Variants in UPF1 observed in about 807,000 individuals in gnomAD.
The protein encoded by UPF1 is UPF1 RNA helicase and ATPase, also known as regulator of nonsense transcripts 1.
UPF1 carries 9 observed loss-of-function variants against 129.2 expected under a neutral mutation model. The ratio of observed to expected loss-of-function variants is 0.07; its 90% CI spans 0.04 to 0.12. UPF1 has a LOEUF of 0.12. UPF1 is among the 10% of genes least tolerant of loss of function. UPF1 has a pLI of 1.00. For synonymous variants in UPF1, 649 were observed against 644.9 expected (o/e 1.01, Z -0.10); for missense variants, 788 against 1,525.3 (o/e 0.52, Z 8.05).
chr19:18,857,136 G>A, intron 14 of UPF1, 116 bp downstream of exon 14: 1 of 1,523,490 alleles, frequency 6.6e-7, no homozygotes, highest in East Asian at 2.3e-5. Flanking sequence ...CGCACACTGG[G>A]GGCTCCCTGA....
chr19:18,837,098 T>G (rs1389326299), intron 1 of UPF1, among the ~76,000 whole-genome samples: 1 of 151,886 alleles, frequency 6.6e-6, no homozygotes. Flanking sequence ...GGGTTTTTTG[T>G]TTTTGTTTTA....
intron 13 of UPF1, among the ~76,000 whole-genome samples, chr19:18,856,531 A>T (rs2055720091): frequency 6.6e-6 from 1 of 152,174 alleles, no homozygotes; most frequent in South Asian, 2.1e-4. Context: ...GGGATCCGGC[A>T]GTGGATCTAG....
chr19:18,853,514 G>A lies in UPF1; in HGVS notation c.1156+164G>A, dbSNP rs950799354. Among the ~76,000 whole-genome samples the A allele has an allele frequency of 3.9e-5, 6 of 152,324 alleles. No homozygotes were observed. The East Asian group carries it at 9.6e-4, about 24-fold the overall frequency. Reference sequence around the variant, plus strand: ...TCCACTGCTCTTAGGAGAATCACAGGGCCTTCACCTTCAGGGGACAGCTGG... The same window carrying A: ...TCCACTGCTCTTAGGAGAATCACAGAGCCTTCACCTTCAGGGGACAGCTGG... On this transcript the variant is annotated intron_variant, in intron 8 of 23. Transcript: ENST00000262803. This position sits in a 1 kb window ranked among gnomAD's most constrained non-coding sequence, Gnocchi z 4.4.
Position 18,854,976 on chromosome 19 carries a change from A to T in UPF1, c.1363A>T (p.Ile455Phe). ...LLGHEVEDVI[I>F]KCQLPKRFTA... Reference sequence around the variant, plus strand: ...GGGCCACGAGGTGGAGGACGTAATCATCAAGTGCCAGCTGCCCAAGCGCTT... The same window carrying T: ...GGGCCACGAGGTGGAGGACGTAATCTTCAAGTGCCAGCTGCCCAAGCGCTT... The change falls in exon 10 of 24, where the codon ATC (isoleucine) becomes TTC (phenylalanine). Residue 455 changes from isoleucine (I) to phenylalanine (F), a missense_variant. This residue lies in a region of UPF1 where 227 missense variants were observed against 517.9 expected (regional missense o/e 0.44). Coordinates refer to ENST00000262803, the MANE Select transcript of UPF1 (RefSeq NM_002911.4). 6.2e-7 allele frequency: 1 copy of T among 1,614,202 alleles called. No individual in the cohort carries two copies. The highest frequency in any genetic ancestry group is 1.1e-5 in the South Asian group (1 of 91,090).
chr19:18,841,441 A>G (rs1019421565), intron 1 of UPF1, among the ~76,000 whole-genome samples: 13 of 152,170 alleles, frequency 8.5e-5, no homozygotes, highest in African/African-American at 2.4e-4. Flanking sequence ...AGCGTCAACA[A>G]TGGCTTTTCA....
chr19:18,861,877 G>C, intron 17 of UPF1, 133 bp from the exon 18 acceptor site: 2 of 1,191,854 alleles, frequency 1.7e-6, no homozygotes, highest in Non-Finnish European at 2.3e-6. Flanking sequence ...ACAGCCCCTA[G>C]GTGCGGTGAG....
intron 2 of UPF1, among the ~76,000 whole-genome samples, chr19:18,846,882 T>C (rs1046637706): frequency 6.6e-6 from 1 of 152,156 alleles, no homozygotes; most frequent in Non-Finnish European, 1.5e-5. Flanking sequence ...CCCAGCTAGC[T>C]ACTTGGGAGG....
chr19:18,839,854 G>C (rs1488240523), intron 1 of UPF1, among the ~76,000 whole-genome samples: 1 of 152,210 alleles, frequency 6.6e-6, no homozygotes, highest in Non-Finnish European at 1.5e-5. Context: ...TGGCCAGGGT[G>C]CTGTGAGGGC....
At position 18,860,957 on chromosome 19, in the gene UPF1, G is replaced by A; in HGVS notation, c.2432G>A (p.Gly811Asp). The change falls in exon 17 of 24, where the codon GGC becomes GAC. Residue 811 changes from glycine (G) to aspartate (D), a missense_variant. Gly to Asp is a moderately conservative substitution (Grantham distance 94). This residue lies in a region of UPF1 where 140 missense variants were observed against 385.9 expected (regional missense o/e 0.36). Transcript: ENST00000262803. Reference sequence around the variant, plus strand: ...CTGGTGCAGTACATGCAGTTCAGCGGCTCCCTGCACACCAAGCTCTACCAG... The same window carrying A: ...CTGGTGCAGTACATGCAGTTCAGCGACTCCCTGCACACCAAGCTCTACCAG... ...SYLVQYMQFS[G>D]SLHTKLYQEV... 1 of 1,585,710 alleles carries A rather than the reference G, an allele frequency of 6.3e-7. No homozygotes were observed. Among genetic ancestry groups the A allele is most frequent in the Non-Finnish European group, 8.6e-7 (1 of 1,166,902 alleles).
intron 1 of UPF1, among the ~76,000 whole-genome samples, chr19:18,842,699 TA>T (rs200842425): frequency 1.3e-5 from 2 of 151,564 alleles, no homozygotes; most frequent in African/African-American, 2.4e-5. Flanking sequence ...TTTTTTTAAT[TA>T]AAAAAAATTT....
In UPF1 at chr19:18,832,315, A is replaced by G. The variant is rs374572356; in HGVS notation, c.106A>G (p.Thr36Ala). 6.6e-7 allele frequency: 1 copy of G among 1,524,114 alleles called. No individual in the cohort carries two copies. Among genetic ancestry groups the G allele is most frequent in the Non-Finnish European group, 8.8e-7 (1 of 1,131,558 alleles). The allele number at this position is 1,524,114 out of a possible 1,614,324, so 94.4% of individuals were successfully genotyped here. Residue 36 changes from threonine to alanine, a missense_variant, in exon 1 of 24, where the codon ACC becomes GCC. Physicochemically the swap from Thr to Ala is moderately conservative, Grantham distance 58 (BLOSUM62 0). Around this residue, in one of 6 missense-constraint regions of UPF1, gnomAD observed 112 missense variants for 128.2 expected, o/e 0.87. Coordinates refer to ENST00000262803, the MANE Select transcript of UPF1 (RefSeq NM_002911.4). This position sits in a 1 kb window ranked among gnomAD's most constrained non-coding sequence, Gnocchi z 5.6. ...ADTQGSEFEF[T>A]DFTLPSQTQT... is the part of the protein sequence containing the mutation. Reference sequence around the variant, plus strand: ...CACACAGGGCTCCGAGTTCGAGTTCACCGACTTTACTCTTCCTAGCCAGAC... The same window carrying G: ...CACACAGGGCTCCGAGTTCGAGTTCGCCGACTTTACTCTTCCTAGCCAGAC...
At position 18,865,806 on chromosome 19, in the gene UPF1, C is replaced by T; in HGVS notation, c.3237+28C>T. 6.2e-7 allele frequency: 1 copy of T among 1,610,986 alleles called. No homozygotes were observed. The highest frequency in any genetic ancestry group is 8.5e-7 in the Non-Finnish European group (1 of 1,179,722). ...GAGCCCGCCCCTGGGACGGGACTTACCTGAGTGAGGGTGGGGCTATGCACC... is the reference window on the plus strand; with the variant it reads ...GAGCCCGCCCCTGGGACGGGACTTATCTGAGTGAGGGTGGGGCTATGCACC... On this transcript the variant is annotated intron_variant, in intron 22 of 23. Coordinates refer to ENST00000262803, the MANE Select transcript of UPF1 (RefSeq NM_002911.4). This position sits in a 1 kb window ranked among gnomAD's most constrained non-coding sequence, Gnocchi z 6.1.
At position 18,866,951 on chromosome 19, in the gene UPF1, GGGGCAGAGCCCCGGGA is replaced by G. The variant is rs1213152956; in HGVS notation, c.*439_*454del. 1 of 152,730 alleles carries G rather than the reference GGGGCAGAGCCCCGGGA, an allele frequency of 6.5e-6. No homozygotes were observed. The highest frequency in any genetic ancestry group is 1.9e-4 in the East Asian group (1 of 5,182). The allele number at this position is 152,730 out of a possible 1,614,324, so 9.5% of individuals were successfully genotyped here. ...GCTCCTTGCAAAGACAGCAGCGTGC[GGGGCAGAGCCCCGGGA>G]GGGCGCGTCTGTCCACGCCTACCGG... is the stretch of plus-strand genomic sequence containing the variant. On this transcript the variant is annotated 3_prime_UTR_variant, in exon 24 of 24. Coordinates refer to ENST00000262803, the MANE Select transcript of UPF1 (RefSeq NM_002911.4).
At chr19:18,843,406 A>C (rs922613290) in intron 1 of UPF1, among the ~76,000 whole-genome samples, 13 of 152,048 alleles carry the variant, frequency 8.5e-5, no homozygotes, top group African/African-American at 3.1e-4. Context: ...CAGTGGTGCA[A>C]ATGTTGGAGT....
chr19:18,837,415 T>A (rs998222623), intron 1 of UPF1, among the ~76,000 whole-genome samples: 1 of 152,210 alleles, frequency 6.6e-6, no homozygotes, highest in Non-Finnish European at 1.5e-5. Context: ...TCTCATGCCA[T>A]ACACCTACCT....
chr19:18,866,467 G>T (rs1247776914), intron 23 of UPF1, 54 bp from the exon 24 acceptor site: 8 of 338,938 alleles, frequency 2.4e-5, no homozygotes, highest in Non-Finnish European at 4.3e-5. Context: ...CTGGGTACCT[G>T]TGGGGCTCAG....
chr19:18,838,853 T>C (rs1182961112), intron 1 of UPF1, among the ~76,000 whole-genome samples: 1 of 152,230 alleles, frequency 6.6e-6, no homozygotes, highest in African/African-American at 2.4e-5. Flanking sequence ...TATGTGAAAG[T>C]GACCTGAGCT....
At position 18,832,076 on chromosome 19, in the gene UPF1, G is replaced by A; in HGVS notation, c.-134G>A. On this transcript the variant is annotated 5_prime_UTR_variant, in exon 1 of 24. Transcript: ENST00000262803. The surrounding 1 kb of genome is among the most constrained non-coding windows in gnomAD (Gnocchi z 5.6). ...ACCTCTCGGTCCGGCTGGCGCCGGG[G>A]CGCGCGGTTTGGTCCTTTCCGGGCG... is the stretch of plus-strand genomic sequence containing the variant. The A allele has an allele frequency of 1.2e-6, 1 of 807,688 alleles. No homozygotes were observed. The highest frequency in any genetic ancestry group is 1.7e-6 in the Non-Finnish European group (1 of 592,706). The allele number at this position is 807,688 out of a possible 1,614,324, so 50.0% of individuals were successfully genotyped here.
intron 16 of UPF1, 150 bp from the exon 17 acceptor site, chr19:18,860,676 T>C: frequency 8.4e-7 from 1 of 1,185,188 alleles, no homozygotes; most frequent in Non-Finnish European, 1.2e-6. Flanking sequence ...GAGACTCCCC[T>C]GGTGAAGGCT....
Sources: gnomAD v4.1 joint callset for allele counts (sites outside exome capture counted in the v4.1 genomes callset) on GRCh38, gnomAD v4.1.1 for gene constraint, gnomAD v4.1.1 regional missense constraint, Gnocchi (gnomAD v3.1) non-coding constraint, MANE v1.5 for transcripts, NCBI Gene and HGNC (gene_info 2026-07-23, HGNC 2026-07-21) for gene names.